The following FNDC3A variants were observed in gnomAD, a reference collection of about 807,000 sequenced individuals.
The protein encoded by FNDC3A is fibronectin type-III domain-containing protein 3A.
Under a neutral mutation model 148.9 loss-of-function variants are expected in FNDC3A, and 32 were observed. The ratio of observed to expected loss-of-function variants is 0.21; its 90% CI spans 0.16 to 0.29. FNDC3A has a LOEUF of 0.29. FNDC3A is among the 10% of genes least tolerant of loss of function. The pLI, the probability that FNDC3A is intolerant of heterozygous loss-of-function variation, is 1.00. For synonymous variants in FNDC3A, 472 were observed against 473.6 expected (o/e 1.00, Z 0.04); for missense variants, 1,191 against 1,452.8 (o/e 0.82, Z 2.93).
chr13:49,201,597 AT>A (rs1387236225), intron 23 of FNDC3A, among the ~76,000 whole-genome samples: 4 of 152,164 alleles, frequency 2.6e-5, no homozygotes, highest in Non-Finnish European at 5.9e-5. Flanking sequence ...AAATTGGGAA[AT>A]TTACCAAATA....
intron 4 of FNDC3A, among the ~76,000 whole-genome samples, chr13:49,115,394 A>G (rs1348494192): frequency 1.3e-5 from 2 of 152,166 alleles, no homozygotes; most frequent in Non-Finnish European, 1.5e-5. Context: ...TTGGGAAATA[A>G]TCATTTTCTC....
At chr13:49,119,550 G>A (rs889105460) in intron 4 of FNDC3A, among the ~76,000 whole-genome samples, 1 of 152,004 alleles carries the variant, frequency 6.6e-6, no homozygotes, top group Non-Finnish European at 1.5e-5. Flanking sequence ...CTGAGCTAAA[G>A]GAGCATGTTC....
intron 2 of FNDC3A, among the ~76,000 whole-genome samples, chr13:49,050,282 G>A (rs1286605698): frequency 2.6e-5 from 4 of 152,140 alleles, no homozygotes; most frequent in Non-Finnish European, 4.4e-5. Context: ...TATTTAATAT[G>A]ATGAACTTTC....
intron 1 of FNDC3A, among the ~76,000 whole-genome samples, chr13:48,996,659 G>A (rs925711356): frequency 2.6e-5 from 4 of 152,176 alleles, no homozygotes; most frequent in African/African-American, 9.7e-5. Flanking sequence ...TCAATCCCCT[G>A]TAGAAACCAA....
At chr13:49,137,015 CAG>C (rs1484137435) in intron 6 of FNDC3A, among the ~76,000 whole-genome samples, 2 of 151,888 alleles carry the variant, frequency 1.3e-5, no homozygotes, top group African/African-American at 4.8e-5. Context: ...TTAGTAGAGA[CAG>C]GGTCTCGCTG....
rs370352857 is a variant in FNDC3A, at chr13:49,038,330, C to T, written c.99+32041C>T. Among the ~76,000 whole-genome samples, 12 of 152,306 alleles carry T rather than the reference C, an allele frequency of 7.9e-5. No individual in the cohort carries two copies. The East Asian group carries it at 2.1e-3, about 27-fold the overall frequency. The stretch of plus-strand genomic sequence containing the variant: ...GTGGGGCCTTTGCCAAGGAACTGCC[C>T]TCTTCTACCCACTATTTCCCTGTCT... On this transcript the variant is annotated intron_variant, in intron 2 of 25. Coordinates refer to ENST00000492622, the MANE Select transcript of FNDC3A (RefSeq NM_001079673.2).
At chr13:49,068,550 A>G (rs1566229110) in intron 2 of FNDC3A, among the ~76,000 whole-genome samples, 2 of 152,194 alleles carry the variant, frequency 1.3e-5, no homozygotes, top group Admixed American at 6.5e-5. Context: ...ATTACTGGAT[A>G]TATGCCCAAA....
rs1240917958 is a variant in FNDC3A, at chr13:49,207,237, A to G, written c.3439A>G (p.Arg1147Gly). ...CACCACAGTGCTCTTCATCTCTCAGAGGACTGAACCACCAGCCAGCACCAA... is the reference window on the plus strand; with the variant it reads ...CACCACAGTGCTCTTCATCTCTCAGGGGACTGAACCACCAGCCAGCACCAA... Reference protein sequence around the residue: ...YSTTVLFISQRTEPPASTNRD... With the variant: ...YSTTVLFISQGTEPPASTNRD... Residue 1147 changes from arginine to glycine, a missense_variant, in exon 26 of 26, where the codon AGG becomes GGG. Arg to Gly is a moderately radical substitution (Grantham distance 125). This residue lies in a region of FNDC3A where 751 missense variants were observed against 944.0 expected (regional missense o/e 0.80). Transcript: ENST00000492622. 5 of 1,614,188 alleles carry G rather than the reference A, an allele frequency of 3.1e-6. No homozygotes were observed. Among genetic ancestry groups the G allele is most frequent in the Non-Finnish European group, 4.2e-6 (5 of 1,180,026 alleles).
intron 2 of FNDC3A, among the ~76,000 whole-genome samples, chr13:49,072,735 C>T (rs1216835012): frequency 6.6e-6 from 1 of 152,164 alleles, no homozygotes; most frequent in Non-Finnish European, 1.5e-5. Context: ...CCTCCCACCT[C>T]AGCCTCCCAA....
At chr13:49,125,066 G>A (rs1037568135) in intron 4 of FNDC3A, among the ~76,000 whole-genome samples, 1 of 152,014 alleles carries the variant, frequency 6.6e-6, no homozygotes, top group Non-Finnish European at 1.5e-5. Context: ...ATTGTAGATC[G>A]CATAGCGTGG....
At chr13:49,178,769 C>CT in intron 14 of FNDC3A, 115 bp downstream of exon 14, 1 of 593,990 alleles carries the variant, frequency 1.7e-6, no homozygotes, top group South Asian at 2.3e-5. Flanking sequence ...GGCTCTTACT[C>CT]TGTCACCCAA....
At chr13:49,075,827 C>T (rs1187446780) in intron 3 of FNDC3A, among the ~76,000 whole-genome samples, 3 of 146,850 alleles carry the variant, frequency 2.0e-5, no homozygotes, top group African/African-American at 7.6e-5. Flanking sequence ...CCCCACCCCC[C>T]CTTTCAGATC....
chr13:49,006,208 A>G lies in FNDC3A; in HGVS notation c.18A>G (p.Pro6=). Reference sequence around the variant, plus strand: ...TATTGATAATGGCAGAACATCCACCACTACTGGATACAACTCAGATCTTAA... The same window carrying G: ...TATTGATAATGGCAGAACATCCACCGCTACTGGATACAACTCAGATCTTAA... The part of the protein sequence containing the change: MAEHP[P]LLDTTQILSS... Residue 6 remains proline, a synonymous_variant, in exon 2 of 26, where the codon CCA becomes CCG. Coordinates refer to ENST00000492622, the MANE Select transcript of FNDC3A (RefSeq NM_001079673.2). 1.2e-6 allele frequency: 2 copies of G among 1,604,166 alleles called. No individual in the cohort carries two copies. The highest frequency in any genetic ancestry group is 1.7e-6 in the Non-Finnish European group (2 of 1,172,398).
chr13:49,147,428 A>G (rs183198640), intron 8 of FNDC3A, among the ~76,000 whole-genome samples: 1 of 152,198 alleles, frequency 6.6e-6, no homozygotes, highest in African/African-American at 2.4e-5. Flanking sequence ...TTTGAGAAAT[A>G]GAGTAGCTGG....
At position 49,001,935 on chromosome 13, in the gene FNDC3A, C is replaced by T. The variant is rs142309558; in HGVS notation, c.-39-4217C>T. On this transcript the variant is annotated intron_variant, in intron 1 of 25. Coordinates refer to ENST00000492622, the MANE Select transcript of FNDC3A (RefSeq NM_001079673.2). ...CTCTGTGACCCACACCCTATTTGTACGCTCCCTCCCCTTTTGAAAATCACT... is the reference window on the plus strand; with the variant it reads ...CTCTGTGACCCACACCCTATTTGTATGCTCCCTCCCCTTTTGAAAATCACT... Among the ~76,000 whole-genome samples, 1,040 of 152,146 alleles carry T rather than the reference C, an allele frequency of 6.8e-3. 11 individuals carry two copies. Among genetic ancestry groups the T allele is most frequent in the African/African-American group, 0.024 (981 of 41,474 alleles).
At chr13:49,043,205 ATCC>A (rs1875087401) in intron 2 of FNDC3A, among the ~76,000 whole-genome samples, 1 of 151,646 alleles carries the variant, frequency 6.6e-6, no homozygotes, top group Non-Finnish European at 1.5e-5. Flanking sequence ...GGCTCAAGGT[ATCC>A]TCCCATCTTG....
chr13:49,032,697 C>CT (rs1208163805), intron 2 of FNDC3A, among the ~76,000 whole-genome samples: 1 of 151,890 alleles, frequency 6.6e-6, no homozygotes, highest in Non-Finnish European at 1.5e-5. Context: ...GACCGCGCCA[C>CT]TGCACTCCAG....
chr13:49,045,721 C>T, intron 2 of FNDC3A: 1 of 1,067,502 alleles, frequency 9.4e-7, no homozygotes, highest in South Asian at 1.5e-5. Context: ...TCTTGATTTT[C>T]AAAAACCCTG....
chr13:49,172,635 C>T (rs902441773), intron 11 of FNDC3A, among the ~76,000 whole-genome samples: 1 of 152,216 alleles, frequency 6.6e-6, no homozygotes, highest in African/African-American at 2.4e-5. Flanking sequence ...ACATCACCTT[C>T]CTCCTCTGTC....
Sources: gnomAD v4.1 joint callset for allele counts (sites outside exome capture counted in the v4.1 genomes callset) on GRCh38, gnomAD v4.1.1 for gene constraint, gnomAD v4.1.1 regional missense constraint, MANE v1.5 for transcripts, NCBI Gene and HGNC (gene_info 2026-07-23, HGNC 2026-07-21) for gene names.